Variants in DLGAP1 observed in about 807,000 individuals in gnomAD.
DLGAP1 encodes the protein disks large-associated protein 1.
DLGAP1 carries 11 observed loss-of-function variants against 90.8 expected under a neutral mutation model. That is an observed-to-expected ratio of 0.12 (90% CI 0.08 to 0.20). The LOEUF (loss-of-function observed/expected upper bound fraction) is 0.20, where lower values mean the gene tolerates loss of function less well. Ranked by LOEUF, DLGAP1 falls within the 10% of genes least tolerant of loss-of-function variation. The probability of loss-of-function intolerance (pLI) is 1.00; values close to 1 mark genes in which losing one functional copy is unlikely to be tolerated. For missense variants in DLGAP1, 1,050 were observed against 1,333.8 expected, an observed-to-expected ratio of 0.79 and a Z score of 3.31; for synonymous variants, 558 against 540.7, an observed-to-expected ratio of 1.03 and a Z score of -0.44.
chr18:4,287,292 T>G (rs1473203663), intron 1 of DLGAP1, among the ~76,000 whole-genome samples: 8 of 152,184 alleles, frequency 5.3e-5, no homozygotes, highest in Non-Finnish European at 1.2e-4. Context: ...AACGCTTTTG[T>G]GTGGTGATTC....
intron 5 of DLGAP1, among the ~76,000 whole-genome samples, chr18:3,785,446 C>T (rs150644962): frequency 2.4e-4 from 36 of 152,212 alleles, no homozygotes; most frequent in Admixed American, 2.4e-3. Context: ...ATGTGCATAG[C>T]ATGGGAGAAT....
intron 7 of DLGAP1, among the ~76,000 whole-genome samples, chr18:3,609,634 G>A (rs1441394932): frequency 2.0e-5 from 3 of 152,074 alleles, no homozygotes; most frequent in African/African-American, 7.2e-5. Flanking sequence ...AGTGTGATGC[G>A]GTGAGCGAAG....
intron 10 of DLGAP1, among the ~76,000 whole-genome samples, chr18:3,529,075 A>C (rs1213220123): frequency 2.0e-5 from 3 of 152,188 alleles, no homozygotes; most frequent in Non-Finnish European, 4.4e-5. Context: ...AGCTTTTGGC[A>C]ACAAGAACTG....
chr18:4,063,687 C>A (rs1300175151), intron 2 of DLGAP1, among the ~76,000 whole-genome samples: 1 of 152,020 alleles, frequency 6.6e-6, no homozygotes, highest in African/African-American at 2.4e-5. Context: ...ACTAAGGGAG[C>A]CTTCATCTAC....
At position 3,742,379 on chromosome 18, in the gene DLGAP1, A is replaced by G. The variant is rs2063093065; in HGVS notation, c.1306T>C (p.Ser436Pro). Residue 436 changes from serine to proline, a missense_variant, in exon 6 of 13, where the codon TCC becomes CCC. Physicochemically the swap from Ser to Pro is moderately conservative, Grantham distance 74. Around this residue, in one of 2 missense-constraint regions of DLGAP1, gnomAD observed 565 missense variants for 879.7 expected, o/e 0.64. Transcript: ENST00000315677. ...AGLLTSPKFR[S>P]RNESYMRAMS... is the part of the protein sequence containing the mutation. ...GCTCGCATGTAGCTCTCATTCCTGG[A>G]GCGGAACTTTGGTGATGTGAGCAAG... 1 of 1,613,898 alleles carries G rather than the reference A, an allele frequency of 6.2e-7. No individual in the cohort carries two copies.
At chr18:4,181,282 A>G (rs1259663255) in intron 1 of DLGAP1, among the ~76,000 whole-genome samples, 1 of 152,166 alleles carries the variant, frequency 6.6e-6, no homozygotes, top group Non-Finnish European at 1.5e-5. Context: ...GTTAAGATGT[A>G]ACTGAAAATA....
intron 5 of DLGAP1, among the ~76,000 whole-genome samples, chr18:3,792,177 G>A (rs2065767145): frequency 6.6e-6 from 1 of 152,090 alleles, no homozygotes; most frequent in Non-Finnish European, 1.5e-5. Context: ...TCCAGCTGTG[G>A]GTACTTAAGA....
intron 5 of DLGAP1, among the ~76,000 whole-genome samples, chr18:3,783,061 G>C (rs1211119229): frequency 6.6e-6 from 1 of 152,110 alleles, no homozygotes; most frequent in Non-Finnish European, 1.5e-5. Context: ...ATTCTCAAAT[G>C]GTTAGTCATT....
chr18:3,793,754 A>C (rs1468286559), intron 5 of DLGAP1, among the ~76,000 whole-genome samples: 1 of 150,714 alleles, frequency 6.6e-6, no homozygotes, highest in African/African-American at 2.4e-5. Flanking sequence ...TTTCTGTCTG[A>C]CTCACTTTCC....
chr18:3,962,678 C>T (rs2073227671), intron 3 of DLGAP1, among the ~76,000 whole-genome samples: 1 of 152,236 alleles, frequency 6.6e-6, no homozygotes, highest in Admixed American at 6.5e-5. Context: ...CATCCCTATG[C>T]TTGTTTTCAT....
At chr18:3,870,365 C>T (rs1264449539) in intron 4 of DLGAP1, among the ~76,000 whole-genome samples, 4 of 152,206 alleles carry the variant, frequency 2.6e-5, no homozygotes, top group Non-Finnish European at 4.4e-5. Flanking sequence ...ATTGATTCCA[C>T]TTTACAATAT....
chr18:3,527,410 C>CTGGTTT (rs1555668846), intron 10 of DLGAP1, among the ~76,000 whole-genome samples: 4 of 100,684 alleles, frequency 4.0e-5, no homozygotes, highest in Non-Finnish European at 7.7e-5. Context: ...ATTTTCCAAA[C>CTGGTTT]TTTTTTTTTT....
intron 1 of DLGAP1, among the ~76,000 whole-genome samples, chr18:4,284,526 G>A (rs2079635279): frequency 6.6e-6 from 1 of 152,150 alleles, no homozygotes; most frequent in Non-Finnish European, 1.5e-5. Context: ...GGTGTGTCAC[G>A]GGCACCACTG....
chr18:4,168,361 G>A (rs1359646708), intron 1 of DLGAP1, among the ~76,000 whole-genome samples: 1 of 152,148 alleles, frequency 6.6e-6, no homozygotes, highest in East Asian at 1.9e-4. Context: ...AGCAAATATT[G>A]CTGAAGCAAT....
chr18:3,559,126 A>G (rs2053926230), intron 9 of DLGAP1, among the ~76,000 whole-genome samples: 1 of 152,248 alleles, frequency 6.6e-6, no homozygotes, highest in African/African-American at 2.4e-5. Flanking sequence ...ACGTGATGTT[A>G]ACATTGTCCT....
chr18:4,260,814 T>C (rs183885553), intron 1 of DLGAP1, among the ~76,000 whole-genome samples: 4 of 152,290 alleles, frequency 2.6e-5, no homozygotes, highest in Admixed American at 2.6e-4. Flanking sequence ...TAATAAGACA[T>C]GGTGAACTGG....
At chr18:3,795,867 C>T (rs2065965456) in intron 5 of DLGAP1, among the ~76,000 whole-genome samples, 2 of 152,044 alleles carry the variant, frequency 1.3e-5, no homozygotes, top group Non-Finnish European at 2.9e-5. Context: ...CCAACCAAAA[C>T]CCACAAAAAA....
intron 3 of DLGAP1, chr18:3,986,685 C>G (rs1250496017): frequency 6.6e-6 from 1 of 152,198 alleles, no homozygotes; most frequent in Non-Finnish European, 1.5e-5. Flanking sequence ...GGAACAGATA[C>G]AGTCTCCAGA....
chr18:3,996,779 C>A (rs2074080202), intron 3 of DLGAP1, among the ~76,000 whole-genome samples: 1 of 151,896 alleles, frequency 6.6e-6, no homozygotes, highest in South Asian at 2.1e-4. Context: ...GAAAATATAT[C>A]TGTTTTCCAT....
Sources: allele counts gnomAD v4.1 joint callset (sites outside exome capture counted in the v4.1 genomes callset), GRCh38; gene constraint gnomAD v4.1.1; regional missense constraint gnomAD v4.1.1; transcripts MANE v1.5; gene names NCBI Gene and HGNC (gene_info 2026-07-23, HGNC 2026-07-21).